FARS2: variants seen among roughly 807,000 people sequenced by gnomAD.
FARS2 encodes phenylalanine--tRNA ligase, mitochondrial.
In FARS2, 40 loss-of-function variants were observed where a neutral mutation model predicts 46.4. The ratio of observed to expected loss-of-function variants is 0.86; its 90% CI spans 0.67 to 1.12. FARS2 has a LOEUF of 1.12. Ranked by LOEUF, FARS2 falls within the 50% of genes most tolerant of loss-of-function variation. FARS2 has a pLI of 0.00. For missense variants in FARS2, 513 were observed against 567.9 expected (o/e 0.90, Z 0.98); for synonymous variants, 234 against 214.9 (o/e 1.09, Z -0.78).
At chr6:5,768,546 A>C (rs963987626) in intron 6 of FARS2, among the ~76,000 whole-genome samples, 10 of 152,260 alleles carry the variant, frequency 6.6e-5, no homozygotes, top group African/African-American at 2.4e-4. Flanking sequence ...CCACAATGAT[A>C]CTTTCACCTC....
At chr6:5,539,995 T>A (rs1770519467) in intron 4 of FARS2, among the ~76,000 whole-genome samples, 1 of 152,184 alleles carries the variant, frequency 6.6e-6, no homozygotes. Flanking sequence ...CATATTACAG[T>A]GGAGCCTAGA....
At chr6:5,397,707 A>G (rs1208903609) in intron 2 of FARS2, among the ~76,000 whole-genome samples, 1 of 152,212 alleles carries the variant, frequency 6.6e-6, no homozygotes, top group African/African-American at 2.4e-5. Context: ...ATTTAAAAAC[A>G]TGTCCTTTTT....
At chr6:5,478,970 T>C (rs1207180376) in intron 4 of FARS2, among the ~76,000 whole-genome samples, 1 of 152,240 alleles carries the variant, frequency 6.6e-6, no homozygotes, top group East Asian at 1.9e-4. Flanking sequence ...CTATAAAATA[T>C]ACAAATTATA....
At chr6:5,437,450 T>G (rs1763586978) in intron 4 of FARS2, among the ~76,000 whole-genome samples, 1 of 152,198 alleles carries the variant, frequency 6.6e-6, no homozygotes, top group African/African-American at 2.4e-5. Flanking sequence ...AAGAGTAAGA[T>G]TTTCTACTAT....
chr6:5,436,975 G>A lies in FARS2; in HGVS notation c.904+5803G>A, dbSNP rs76495536. Among the ~76,000 whole-genome samples the A allele has an allele frequency of 9.6e-3, 1,463 of 152,170 alleles. 18 individuals carry two copies. Among genetic ancestry groups the A allele is most frequent in the African/African-American group, 0.034 (1,401 of 41,484 alleles). ...CCAGTTTGATCAGTTATTGACATAC[G>A]TATACACCAGTGAAACCATCACCAC... On this transcript the variant is annotated intron_variant, in intron 4 of 6. Transcript: ENST00000274680.
chr6:5,455,402 G>C (rs759952262), intron 4 of FARS2, among the ~76,000 whole-genome samples: 13 of 152,190 alleles, frequency 8.5e-5, no homozygotes, highest in Non-Finnish European at 1.8e-4. Flanking sequence ...AGTGTTAGTG[G>C]AGTAATGTCT....
chr6:5,708,116 C>G (rs1337645802), intron 6 of FARS2, among the ~76,000 whole-genome samples: 1 of 152,044 alleles, frequency 6.6e-6, no homozygotes, highest in Admixed American at 6.5e-5. Context: ...GGTTGTAGAA[C>G]AGTGAACTGT....
chr6:5,750,687 G>A (rs560941730), intron 6 of FARS2, among the ~76,000 whole-genome samples: 11 of 152,306 alleles, frequency 7.2e-5, no homozygotes, highest in African/African-American at 1.7e-4. Flanking sequence ...GGGGACAGAA[G>A]AGAACGAACA....
intron 1 of FARS2, among the ~76,000 whole-genome samples, chr6:5,300,147 T>C (rs1474631749): frequency 6.6e-6 from 1 of 152,228 alleles, no homozygotes; most frequent in African/African-American, 2.4e-5. Flanking sequence ...GTAGATTTCC[T>C]GCTGTGTATC....
intron 1 of FARS2, among the ~76,000 whole-genome samples, chr6:5,284,860 G>T (rs983277932): frequency 6.6e-6 from 1 of 152,138 alleles, no homozygotes; most frequent in Non-Finnish European, 1.5e-5. Context: ...TTTCGACTCC[G>T]GTGATCACTG....
intron 4 of FARS2, among the ~76,000 whole-genome samples, chr6:5,480,601 G>A (rs1440114709): frequency 3.9e-5 from 6 of 152,188 alleles, no homozygotes; most frequent in Admixed American, 2.0e-4. Flanking sequence ...AACTCTTTGA[G>A]GTAAGAATGA....
Position 5,740,500 on chromosome 6 carries a change from G to GT in FARS2, c.1218-30779dup, listed in dbSNP as rs35991746. ...AATCAAAATGAAGTACCAAGTAAGG[G>GT]TTTTTTTTTTTTCAAAAAAGCAAAA... On this transcript the variant is annotated intron_variant, in intron 6 of 6. Transcript: ENST00000274680. Among the ~76,000 whole-genome samples the GT allele has an allele frequency of 2.0e-3, 286 of 142,396 alleles. 1 individual carries two copies. The highest frequency in any genetic ancestry group is 0.012 in the East Asian group (59 of 4,914). The allele number at this position is 142,396 out of a possible 152,430, so 93.4% of individuals were successfully genotyped here.
intron 1 of FARS2, among the ~76,000 whole-genome samples, chr6:5,341,236 T>TATATATATATA (rs1455603737): frequency 3.9e-3 from 20 of 5,134 alleles, no homozygotes; most frequent in East Asian, 6.8e-3. Flanking sequence ...TATATATATA[T>TATATATATATA]TTTTTTTTTT....
chr6:5,621,828 A>G (rs932791514), intron 6 of FARS2, among the ~76,000 whole-genome samples: 3 of 152,206 alleles, frequency 2.0e-5, no homozygotes, highest in African/African-American at 7.2e-5. Flanking sequence ...AGCTCTTCAG[A>G]ACTGAGGGAA....
chr6:5,498,262 CA>C (rs1378454656), intron 4 of FARS2, among the ~76,000 whole-genome samples: 1 of 152,186 alleles, frequency 6.6e-6, no homozygotes, highest in African/African-American at 2.4e-5. Flanking sequence ...TGGATTATCT[CA>C]AAAGAGAAGA....
chr6:5,640,255 G>A (rs557575474), intron 6 of FARS2, among the ~76,000 whole-genome samples: 3 of 152,074 alleles, frequency 2.0e-5, no homozygotes, highest in African/African-American at 7.2e-5. Flanking sequence ...ATGAGGTCCC[G>A]TATTATGTAC....
chr6:5,348,196 C>A lies in FARS2; in HGVS notation c.-21-20354C>A, dbSNP rs565492452. ...AAAAAATCCATTCTCTCAATATTTT[C>A]TTTCACGATTACTGCTTTCTGTATT... On this transcript the variant is annotated intron_variant, in intron 1 of 6. Transcript: ENST00000274680. 1.1e-4 allele frequency among the ~76,000 whole-genome samples: 16 copies of A among 152,284 alleles called. No individual in the cohort carries two copies. In the South Asian group the frequency reaches 3.1e-3, roughly 30 times the overall value.
At position 5,493,494 on chromosome 6, in the gene FARS2, C is replaced by T. The variant is rs1052932988; in HGVS notation, c.905-51686C>T. Among the ~76,000 whole-genome samples, 10 of 152,104 alleles carry T rather than the reference C, an allele frequency of 6.6e-5. No homozygotes were observed. The East Asian group carries it at 1.5e-3, about 23-fold the overall frequency. The stretch of plus-strand genomic sequence containing the variant: ...TGGCTAGATGAAGACTGCAGTGTAT[C>T]GACCTCCAAGAGGAATGGAAAGTCA... On this transcript the variant is annotated intron_variant, in intron 4 of 6. Transcript: ENST00000274680.
rs149519386 is a variant in FARS2, at chr6:5,439,944, A to T, written c.904+8772A>T. Reference sequence around the variant, plus strand: ...TCAGAAAAGCAAACAAATACACGTCAGCCTTATGTGTAGGTTTTGCCTCAA... The same window carrying T: ...TCAGAAAAGCAAACAAATACACGTCTGCCTTATGTGTAGGTTTTGCCTCAA... On this transcript the variant is annotated intron_variant, in intron 4 of 6. Coordinates refer to ENST00000274680, the MANE Select transcript of FARS2 (RefSeq NM_006567.5). Among the ~76,000 whole-genome samples, 355 of 152,262 alleles carry T rather than the reference A, an allele frequency of 2.3e-3. 3 individuals carry two copies. The highest frequency in any genetic ancestry group is 8.3e-3 in the African/African-American group (343 of 41,542).
Sources: allele counts gnomAD v4.1 joint callset (sites outside exome capture counted in the v4.1 genomes callset), GRCh38; gene constraint gnomAD v4.1.1; transcripts MANE v1.5; gene names NCBI Gene and HGNC (gene_info 2026-07-23, HGNC 2026-07-21).